Variants in LRRC4C observed in about 807,000 individuals in gnomAD.
The protein encoded by LRRC4C is leucine rich repeat containing 4C, also known as leucine-rich repeat-containing protein 4C.
In LRRC4C, 5 loss-of-function variants were observed where a neutral mutation model predicts 33.6. That is an observed-to-expected ratio of 0.15 (90% CI 0.08 to 0.31). The LOEUF is 0.31. LRRC4C is among the 10% of genes least tolerant of loss of function. The pLI, the probability that LRRC4C is intolerant of heterozygous loss-of-function variation, is 1.00. For synonymous variants in LRRC4C, 329 were observed against 302.0 expected (o/e 1.09, Z -0.93); for missense variants, 560 against 796.7 (o/e 0.70, Z 3.58).
At chr11:41,334,290 T>C (rs1001523204) in intron 1 of LRRC4C, among the ~76,000 whole-genome samples, 1 of 152,348 alleles carries the variant, frequency 6.6e-6, no homozygotes, top group South Asian at 2.1e-4. Flanking sequence ...GATTTCCTAA[T>C]ACCTTTTTGG....
At chr11:40,866,247 T>C (rs1041728981) in intron 2 of LRRC4C, among the ~76,000 whole-genome samples, 3 of 150,176 alleles carry the variant, frequency 2.0e-5, no homozygotes, top group Non-Finnish European at 3.0e-5. Context: ...TAAATACTAA[T>C]ACAGTTGGCT....
At chr11:41,207,810 T>C (rs1397258098) in intron 1 of LRRC4C, among the ~76,000 whole-genome samples, 1 of 152,200 alleles carries the variant, frequency 6.6e-6, no homozygotes, top group Non-Finnish European at 1.5e-5. Flanking sequence ...CTCTGTAGTA[T>C]TTTGTTTTGG....
intron 1 of LRRC4C, among the ~76,000 whole-genome samples, chr11:40,989,884 TA>T (rs1439851255): frequency 2.6e-5 from 4 of 151,596 alleles, no homozygotes; most frequent in East Asian, 3.9e-4. Context: ...AAATAAAAAA[TA>T]AAAAAATGCA....
In LRRC4C at chr11:40,584,978, C is replaced by G. The variant is rs188118175; in HGVS notation, c.-270+63164G>C. On this transcript the variant is annotated intron_variant, in intron 3 of 6. Transcript: ENST00000528697. ...AAAAAAAAAAAAAAGAAAGTTTAAC[C>G]TGCAGTGAAAAAGAGGTTCTTGGGG... Among the ~76,000 whole-genome samples, 392 of 150,954 alleles carry G rather than the reference C, an allele frequency of 2.6e-3. 3 individuals carry two copies. The highest frequency in any genetic ancestry group is 0.018 in the South Asian group (84 of 4,748).
chr11:41,387,751 C>G (rs1953417751), intron 1 of LRRC4C, among the ~76,000 whole-genome samples: 1 of 151,688 alleles, frequency 6.6e-6, no homozygotes, highest in African/African-American at 2.4e-5. Context: ...TAGACACCAC[C>G]CGACACCCAT....
chr11:41,156,084 A>G (rs1479028415), intron 1 of LRRC4C, among the ~76,000 whole-genome samples: 1 of 152,150 alleles, frequency 6.6e-6, no homozygotes, highest in Non-Finnish European at 1.5e-5. Context: ...GATTCTTTGT[A>G]AAACCCACGG....
At chr11:40,291,991 G>A (rs2136577055) in intron 4 of LRRC4C, among the ~76,000 whole-genome samples, 1 of 150,756 alleles carries the variant, frequency 6.6e-6, no homozygotes, top group South Asian at 2.1e-4. Flanking sequence ...CAGTCAACCT[G>A]CATCCTTATA....
chr11:40,623,222 G>C lies in LRRC4C; in HGVS notation c.-270+24920C>G, dbSNP rs564793419. On this transcript the variant is annotated intron_variant, in intron 3 of 6. Transcript: ENST00000528697. ...TCATTTTCAGCTGAAAGAATATCTTGATATGTTCATCTTTATGCTGCAATA... is the reference window on the plus strand; with the variant it reads ...TCATTTTCAGCTGAAAGAATATCTTCATATGTTCATCTTTATGCTGCAATA... Among the ~76,000 whole-genome samples the C allele has an allele frequency of 4.6e-5, 7 of 151,674 alleles. No homozygotes were observed. In the South Asian group the frequency reaches 1.5e-3, roughly 32 times the overall value.
intron 6 of LRRC4C, among the ~76,000 whole-genome samples, chr11:40,132,774 GGA>G (rs1004421196): frequency 6.6e-6 from 1 of 151,888 alleles, no homozygotes; most frequent in Admixed American, 6.6e-5. Context: ...ATCTAGTGTT[GGA>G]GAGAGGGTAA....
chr11:40,774,487 T>C (rs916042808), intron 2 of LRRC4C, among the ~76,000 whole-genome samples: 2 of 152,164 alleles, frequency 1.3e-5, no homozygotes, highest in Non-Finnish European at 2.9e-5. Flanking sequence ...TAGGATAATA[T>C]ACAGATGAAT....
chr11:40,219,798 A>C (rs1201683126), intron 5 of LRRC4C, among the ~76,000 whole-genome samples: 1 of 152,188 alleles, frequency 6.6e-6, no homozygotes, highest in East Asian at 1.9e-4. Context: ...GATGAATACT[A>C]AGTCCAGAGT....
At chr11:41,126,598 A>C (rs763634105) in intron 1 of LRRC4C, among the ~76,000 whole-genome samples, 2 of 152,030 alleles carry the variant, frequency 1.3e-5, no homozygotes, top group African/African-American at 2.4e-5. Flanking sequence ...CATACTTCCT[A>C]GTATTTAAGC....
chr11:40,184,113 T>C (rs1436331559), intron 5 of LRRC4C, among the ~76,000 whole-genome samples: 2 of 152,210 alleles, frequency 1.3e-5, no homozygotes, highest in African/African-American at 4.8e-5. Context: ...TGACGGTACA[T>C]CTCAATTTCC....
At chr11:40,715,807 G>A (rs931786823) in intron 2 of LRRC4C, among the ~76,000 whole-genome samples, 1 of 152,138 alleles carries the variant, frequency 6.6e-6, no homozygotes, top group Non-Finnish European at 1.5e-5. Flanking sequence ...GGCGGATCGC[G>A]TGAGGTCAGG....
At chr11:40,653,081 A>G (rs1277301779) in intron 2 of LRRC4C, among the ~76,000 whole-genome samples, 1 of 152,224 alleles carries the variant, frequency 6.6e-6, no homozygotes, top group African/African-American at 2.4e-5. Context: ...CTGTGAGTCA[A>G]TTAAACTTCT....
At chr11:40,399,947 T>A (rs982186905) in intron 3 of LRRC4C, among the ~76,000 whole-genome samples, 9 of 152,006 alleles carry the variant, frequency 5.9e-5, no homozygotes, top group Non-Finnish European at 8.8e-5. Flanking sequence ...TTAGATTTTT[T>A]AAAAAATAAC....
intron 1 of LRRC4C, among the ~76,000 whole-genome samples, chr11:41,443,620 C>CTTCTTT (rs1955725866): frequency 6.8e-6 from 1 of 146,854 alleles, no homozygotes; most frequent in Non-Finnish European, 1.5e-5. Context: ...TCTTCTTCTT[C>CTTCTTT]TTCTCCTTTT....
chr11:40,454,982 T>C (rs1273735536), intron 3 of LRRC4C, among the ~76,000 whole-genome samples: 1 of 152,148 alleles, frequency 6.6e-6, no homozygotes, highest in Non-Finnish European at 1.5e-5. Flanking sequence ...TCCTTTTAAA[T>C]GGGAGCAACA....
At chr11:40,430,597 A>C (rs550181575) in intron 3 of LRRC4C, among the ~76,000 whole-genome samples, 1 of 152,266 alleles carries the variant, frequency 6.6e-6, no homozygotes, top group East Asian at 1.9e-4. Flanking sequence ...GGAACTGGCA[A>C]AAGAGACTTT....
Sources: gnomAD v4.1 joint callset for allele counts (sites outside exome capture counted in the v4.1 genomes callset) on GRCh38, gnomAD v4.1.1 for gene constraint, MANE v1.5 for transcripts, NCBI Gene and HGNC (gene_info 2026-07-23, HGNC 2026-07-21) for gene names.